SLC6A20: variants seen among roughly 807,000 people sequenced by gnomAD.
The protein encoded by SLC6A20 is sodium- and chloride-dependent transporter XTRP3.
Under a neutral mutation model 64.3 loss-of-function variants are expected in SLC6A20, and 73 were observed. The observed-to-expected ratio is 1.14, with a 90% CI of 0.94 to 1.38. SLC6A20 has a LOEUF of 1.38. Ranked by LOEUF, SLC6A20 falls within the 40% of genes most tolerant of loss-of-function variation. The pLI is 0.00. For synonymous variants in SLC6A20, 347 were observed against 329.6 expected, an observed-to-expected ratio of 1.05 and a Z score of -0.57; for missense variants, 725 against 772.8, an observed-to-expected ratio of 0.94 and a Z score of 0.73.
chr3:45,767,745 T>C (rs1699799120), intron 7 of SLC6A20, among the ~76,000 whole-genome samples: 1 of 152,166 alleles, frequency 6.6e-6, no homozygotes, highest in East Asian at 1.9e-4. Flanking sequence ...TCATGCCATG[T>C]CTAGATTGCA....
chr3:45,794,724 C>G (rs1289317717), intron 1 of SLC6A20, among the ~76,000 whole-genome samples: 2 of 152,144 alleles, frequency 1.3e-5, no homozygotes, highest in Non-Finnish European at 2.9e-5. Context: ...GGACTGATGA[C>G]TGGGAAACAT....
At chr3:45,775,418 G>C (rs1411327774) in intron 4 of SLC6A20, among the ~76,000 whole-genome samples, 3 of 152,120 alleles carry the variant, frequency 2.0e-5, no homozygotes, top group Admixed American at 6.5e-5. Flanking sequence ...AGGGTGTCTC[G>C]AGGATACATA....
intron 1 of SLC6A20, among the ~76,000 whole-genome samples, chr3:45,785,872 T>G (rs897532183): frequency 7.9e-5 from 12 of 152,144 alleles, no homozygotes; most frequent in Non-Finnish European, 1.3e-4. Context: ...GGCCTCAGGA[T>G]GCCTTGCAGC....
chr3:45,758,868 G>C lies in SLC6A20; in HGVS notation c.*110C>G. On this transcript the variant is annotated 3_prime_UTR_variant, in exon 11 of 11. Transcript: ENST00000358525. ...CTTCCTCATCTTCTTTAGACACTCAGGAAGTTGATGGGCTGAGCACTCCTG... is the reference window on the plus strand; with the variant it reads ...CTTCCTCATCTTCTTTAGACACTCACGAAGTTGATGGGCTGAGCACTCCTG... 11 of 1,416,640 alleles carry C rather than the reference G, an allele frequency of 7.8e-6. No individual in the cohort carries two copies. The highest frequency in any genetic ancestry group is 1.0e-5 in the Non-Finnish European group (11 of 1,082,184). 87.8% of individuals were successfully genotyped at this position (1,416,640 alleles called of 1,614,324 possible).
intron 2 of SLC6A20, among the ~76,000 whole-genome samples, chr3:45,781,538 C>A (rs1700084362): frequency 6.6e-6 from 1 of 152,136 alleles, no homozygotes; most frequent in East Asian, 1.9e-4. Context: ...CAAGGTCACT[C>A]AGGAGAAGCA....
chr3:45,771,495 G>C, intron 5 of SLC6A20, 37 bp from the exon 6 acceptor site: 1 of 1,610,172 alleles, frequency 6.2e-7, no homozygotes, highest in East Asian at 2.2e-5. Flanking sequence ...ATGATCCCTG[G>C]GTGGAATCCC....
chr3:45,758,522 A>C lies in SLC6A20; in HGVS notation c.*456T>G. 4 of 1,171,754 alleles carry C rather than the reference A, an allele frequency of 3.4e-6. No individual in the cohort carries two copies. Among genetic ancestry groups the C allele is most frequent in the Non-Finnish European group, 4.3e-6 (4 of 932,902 alleles). The allele number at this position is 1,171,754 out of a possible 1,614,324, so 72.6% of individuals were successfully genotyped here. A position where few individuals can be genotyped will look rare whatever the true frequency, so the allele number is the denominator to read the frequency against. On this transcript the variant is annotated 3_prime_UTR_variant, in exon 11 of 11. Transcript: ENST00000358525. ...CTACAACTCAAAAAAGAAGAGAATTAATTTTGCACCACTGACAAATAGGTC... is the reference window on the plus strand; with the variant it reads ...CTACAACTCAAAAAAGAAGAGAATTCATTTTGCACCACTGACAAATAGGTC...
intron 7 of SLC6A20, among the ~76,000 whole-genome samples, chr3:45,769,089 T>C (rs2125723300): frequency 6.6e-6 from 1 of 152,320 alleles, no homozygotes; most frequent in South Asian, 2.1e-4. Context: ...ATAAAATATT[T>C]AGCTTTCTTT....
At chr3:45,761,987 G>T (rs1559561488) in intron 9 of SLC6A20, among the ~76,000 whole-genome samples, 1 of 152,170 alleles carries the variant, frequency 6.6e-6, no homozygotes, top group Non-Finnish European at 1.5e-5. Context: ...CCCTGAACCA[G>T]CACAGAGGAT....
At chr3:45,760,965 C>T (rs1287255176) in intron 9 of SLC6A20, among the ~76,000 whole-genome samples, 1 of 152,078 alleles carries the variant, frequency 6.6e-6, no homozygotes, top group Non-Finnish European at 1.5e-5. Context: ...GCAGCCTTGG[C>T]GGGAGGGGCT....
chr3:45,792,139 C>T (rs1160498277), intron 1 of SLC6A20, among the ~76,000 whole-genome samples: 2 of 152,188 alleles, frequency 1.3e-5, no homozygotes, highest in Non-Finnish European at 2.9e-5. Flanking sequence ...TGGCCAGGCC[C>T]TCCTCCAATG....
intron 1 of SLC6A20, among the ~76,000 whole-genome samples, chr3:45,782,937 A>G (rs1438614103): frequency 2.0e-5 from 3 of 152,248 alleles, no homozygotes; most frequent in South Asian, 4.1e-4. Context: ...TTCAGCAACT[A>G]ATAGTTGATC....
At chr3:45,792,843 G>A (rs746526972) in intron 1 of SLC6A20, among the ~76,000 whole-genome samples, 1 of 152,228 alleles carries the variant, frequency 6.6e-6, no homozygotes, top group Non-Finnish European at 1.5e-5. Flanking sequence ...TCCACCAAGA[G>A]CCAGTTGTTA....
intron 1 of SLC6A20, among the ~76,000 whole-genome samples, chr3:45,795,651 C>A (rs138720984): frequency 6.6e-6 from 1 of 152,166 alleles, no homozygotes; most frequent in Non-Finnish European, 1.5e-5. Context: ...CCCAGCTTTC[C>A]GCAACGCTAG....
intron 6 of SLC6A20, among the ~76,000 whole-genome samples, chr3:45,770,597 C>A (rs1310374711): frequency 6.6e-6 from 1 of 152,194 alleles, no homozygotes; most frequent in African/African-American, 2.4e-5. Context: ...AACCTCTGGA[C>A]CAACATAGTC....
chr3:45,765,562 G>A lies in SLC6A20; in HGVS notation c.1278C>T (p.Ser426=), dbSNP rs774084210. ...TPLTDSKIIS[S]HLPKEAISGL... ...CTGAGATGGCCTCCTTGGGCAGGTG[G>A]CTGGAGATGATCTTGCTGTCTGTCA... The change falls in exon 8 of 11, where the codon AGC becomes AGT. Residue 426 remains serine, a synonymous_variant. Transcript: ENST00000358525. The surrounding 1 kb of genome is among the most constrained non-coding windows in gnomAD (Gnocchi z 4.2). 6.2e-7 allele frequency: 1 copy of A among 1,613,802 alleles called. No homozygotes were observed. The highest frequency in any genetic ancestry group is 2.2e-5 in the East Asian group (1 of 44,868).
chr3:45,772,461 A>G (rs776039683), intron 5 of SLC6A20, 44 bp downstream of exon 5: 2 of 1,545,878 alleles, frequency 1.3e-6, no homozygotes, highest in East Asian at 2.3e-5. Flanking sequence ...AGGTGGCAGG[A>G]TAAGTGAGGG....
At chr3:45,759,716 A>T in intron 10 of SLC6A20, 141 bp downstream of exon 10, 1 of 1,149,954 alleles carries the variant, frequency 8.7e-7, no homozygotes, top group Non-Finnish European at 1.2e-6. Context: ...CTATTTCTAA[A>T]ATACCTCAGT....
intron 3 of SLC6A20, among the ~76,000 whole-genome samples, chr3:45,778,219 T>TC (rs1700005180): frequency 6.6e-6 from 1 of 152,086 alleles, no homozygotes; most frequent in Non-Finnish European, 1.5e-5. Context: ...CGGGGCCAGG[T>TC]CCCTGAGTCC....
Sources: gnomAD v4.1 joint callset for allele counts (sites outside exome capture counted in the v4.1 genomes callset) on GRCh38, gnomAD v4.1.1 for gene constraint, Gnocchi (gnomAD v3.1) non-coding constraint, MANE v1.5 for transcripts, NCBI Gene and HGNC (gene_info 2026-07-23, HGNC 2026-07-21) for gene names.